The following TPPP3 variants were observed in gnomAD, a reference collection of about 807,000 sequenced individuals.
The protein encoded by TPPP3 is tubulin polymerization-promoting protein family member 3.
In TPPP3, 7 loss-of-function variants were observed where a neutral mutation model predicts 13.1. The observed-to-expected ratio is 0.54, with a 90% CI of 0.30 to 1.01. The LOEUF is 1.01. Among genes scored for constraint, TPPP3 ranks in the 50% least tolerant of loss-of-function variants. The probability of loss-of-function intolerance (pLI) is 0.06; values close to 1 mark genes in which losing one functional copy is unlikely to be tolerated. For missense variants in TPPP3, 185 were observed against 235.0 expected (o/e 0.79, Z 1.39); for synonymous variants, 87 against 93.7 (o/e 0.93, Z 0.41).
chr16:67,390,678 C>A lies in TPPP3; in HGVS notation c.189-46G>T. ...ATGAGGGTTCCCCTTTCTTTTTTCTCCCCCAGGGGAAAGCTCAAACACATT... is the reference window on the plus strand; with the variant it reads ...ATGAGGGTTCCCCTTTCTTTTTTCTACCCCAGGGGAAAGCTCAAACACATT... On this transcript the variant is annotated intron_variant, in intron 2 of 3. Coordinates refer to ENST00000393957, the MANE Select transcript of TPPP3 (RefSeq NM_015964.4). This position sits in a 1 kb window ranked among gnomAD's most constrained non-coding sequence, Gnocchi z 6.4. 1.9e-6 allele frequency: 3 copies of A among 1,572,432 alleles called. No homozygotes were observed. The highest frequency in any genetic ancestry group is 2.6e-6 in the Non-Finnish European group (3 of 1,164,128).
In TPPP3 at chr16:67,391,188, GCCTCTACCTCAAACCTGCAAGA is replaced by G; in HGVS notation, c.-6-93_-6-72del. 6.7e-7 allele frequency: 1 copy of G among 1,487,980 alleles called. No homozygotes were observed. The highest frequency in any genetic ancestry group is 1.2e-5 in the South Asian group (1 of 81,856). The allele number at this position is 1,487,980 out of a possible 1,614,324, so 92.2% of individuals were successfully genotyped here. A position where few individuals can be genotyped will look rare whatever the true frequency, so the allele number is the denominator to read the frequency against. On this transcript the variant is annotated intron_variant, in intron 1 of 3. Transcript: ENST00000393957. This position sits in a 1 kb window ranked among gnomAD's most constrained non-coding sequence, Gnocchi z 6.3. ...CCTCCCCCAAGCCCAGAACATCCCAGCCTCTACCTCAAACCTGCAAGACCTGGGCAGGTTCTGCTACAGAGTT... is the reference window on the plus strand; with the variant it reads ...CCTCCCCCAAGCCCAGAACATCCCAGCCTGGGCAGGTTCTGCTACAGAGTT...
At position 67,391,268 on chromosome 16, in the gene TPPP3, C is replaced by T; in HGVS notation, c.-6-151G>A. 1 of 766,940 alleles carries T rather than the reference C, an allele frequency of 1.3e-6. No individual in the cohort carries two copies. Among genetic ancestry groups the T allele is most frequent in the Non-Finnish European group, 2.1e-6 (1 of 487,172 alleles). The allele number at this position is 766,940 out of a possible 1,614,324, so 47.5% of individuals were successfully genotyped here. ...GAGCTGCCTGGGGAGAGGGGCCCGT[C>T]ACTGTCGCCCTGGGCCACAGAGCCC... On this transcript the variant is annotated intron_variant, in intron 1 of 3. Coordinates refer to ENST00000393957, the MANE Select transcript of TPPP3 (RefSeq NM_015964.4). This position sits in a 1 kb window ranked among gnomAD's most constrained non-coding sequence, Gnocchi z 6.3.
rs149712955 is a variant in TPPP3 at position 67,391,069 on chromosome 16, G to A, written c.43C>T (p.Arg15Cys). 13 of 1,614,170 alleles carry A rather than the reference G, an allele frequency of 8.1e-6. No homozygotes were observed. Among genetic ancestry groups the A allele is most frequent in the Middle Eastern group, 1.6e-4 (1 of 6,062 alleles). Reference sequence around the variant, plus strand: ...GGGTCACCATGGATGGCAAACTTGCGGAAGCTCTCCTCCAGCCCAGCCATG... The same window carrying A: ...GGGTCACCATGGATGGCAAACTTGCAGAAGCTCTCCTCCAGCCCAGCCATG... The part of the protein sequence containing the change: ...TDMAGLEESF[R>C]KFAIHGDPKA... The change falls in exon 2 of 4, where the codon CGC becomes TGC. Residue 15 changes from arginine to cysteine, a missense_variant. Physicochemically the swap from Arg to Cys is radical, Grantham distance 180. Transcript: ENST00000393957. The surrounding 1 kb of genome is among the most constrained non-coding windows in gnomAD (Gnocchi z 6.3).
In TPPP3 at chr16:67,390,169, A is replaced by T; in HGVS notation, c.*5T>A. 6.2e-7 allele frequency: 1 copy of T among 1,613,386 alleles called. No homozygotes were observed. The highest frequency in any genetic ancestry group is 8.5e-7 in the Non-Finnish European group (1 of 1,179,434). ...CCGCACTTGGCAGGGCGGTCTTCCCAAGCCTCACTTCTTCACCTTGGCATC... is the reference window on the plus strand; with the variant it reads ...CCGCACTTGGCAGGGCGGTCTTCCCTAGCCTCACTTCTTCACCTTGGCATC... On this transcript the variant is annotated 3_prime_UTR_variant, in exon 4 of 4. Transcript: ENST00000393957. This position sits in a 1 kb window ranked among gnomAD's most constrained non-coding sequence, Gnocchi z 6.4.
chr16:67,392,660 C>T lies in TPPP3; in HGVS notation c.-7+720G>A, dbSNP rs528921138. Among the ~76,000 whole-genome samples the T allele has an allele frequency of 1.4e-4, 21 of 152,276 alleles. No individual in the cohort carries two copies. The South Asian group carries it at 2.1e-3, about 15-fold the overall frequency. On this transcript the variant is annotated intron_variant, in intron 1 of 3. Transcript: ENST00000393957. This position sits in a 1 kb window ranked among gnomAD's most constrained non-coding sequence, Gnocchi z 4.9. ...GTAGAGACCTCCCCACCACATCCCC[C>T]TCCTCCACTGCCACCTCCTGACCAC...
rs2040316551 is a variant in TPPP3 at position 67,390,670 on chromosome 16, T to C, written c.189-38A>G. 5 of 1,578,062 alleles carry C rather than the reference T, an allele frequency of 3.2e-6. No individual in the cohort carries two copies. Among genetic ancestry groups the C allele is most frequent in the Middle Eastern group, 1.7e-4 (1 of 5,948 alleles). The stretch of plus-strand genomic sequence containing the variant: ...TGGGCACCATGAGGGTTCCCCTTTC[T>C]TTTTTCTCCCCCAGGGGAAAGCTCA... On this transcript the variant is annotated intron_variant, in intron 2 of 3. Transcript: ENST00000393957. The surrounding 1 kb of genome is among the most constrained non-coding windows in gnomAD (Gnocchi z 6.4).
At position 67,390,116 on chromosome 16, in the gene TPPP3, C is replaced by A; in HGVS notation, c.*58G>T. The A allele has an allele frequency of 6.4e-7, 1 of 1,570,776 alleles. No homozygotes were observed. Among genetic ancestry groups the A allele is most frequent in the Non-Finnish European group, 8.7e-7 (1 of 1,150,648 alleles). Reference sequence around the variant, plus strand: ...TCTCTTGCTCCACGTGCCCCTTAGACCCAGGCCTGAGCCTCTGGCAGGGGC... The same window carrying A: ...TCTCTTGCTCCACGTGCCCCTTAGAACCAGGCCTGAGCCTCTGGCAGGGGC... On this transcript the variant is annotated 3_prime_UTR_variant, in exon 4 of 4. Coordinates refer to ENST00000393957, the MANE Select transcript of TPPP3 (RefSeq NM_015964.4). The surrounding 1 kb of genome is among the most constrained non-coding windows in gnomAD (Gnocchi z 6.4).
In TPPP3 at chr16:67,392,687, C is replaced by T. The variant is rs1473400592; in HGVS notation, c.-7+693G>A. Among the ~76,000 whole-genome samples the T allele has an allele frequency of 2.6e-5, 4 of 152,200 alleles. No homozygotes were observed. Among genetic ancestry groups the T allele is most frequent in the African/African-American group, 9.7e-5 (4 of 41,442 alleles). ...CCTCCACTGCCACCTCCTGACCACACCCTCGGTCTCAGCAACCATCTTCTA... is the reference window on the plus strand; with the variant it reads ...CCTCCACTGCCACCTCCTGACCACATCCTCGGTCTCAGCAACCATCTTCTA... On this transcript the variant is annotated intron_variant, in intron 1 of 3. Transcript: ENST00000393957. This position sits in a 1 kb window ranked among gnomAD's most constrained non-coding sequence, Gnocchi z 4.9.
Position 67,391,222 on chromosome 16 carries a change from T to A in TPPP3, c.-6-105A>T, listed in dbSNP as rs2040325363. 5 of 1,212,772 alleles carry A rather than the reference T, an allele frequency of 4.1e-6. No individual in the cohort carries two copies. 75.1% of individuals were successfully genotyped at this position (1,212,772 alleles called of 1,614,324 possible). Reference sequence around the variant, plus strand: ...TCAAACCTGCAAGACCTGGGCAGGTTCTGCTACAGAGTTGGTGCTGGAGCT... The same window carrying A: ...TCAAACCTGCAAGACCTGGGCAGGTACTGCTACAGAGTTGGTGCTGGAGCT... On this transcript the variant is annotated intron_variant, in intron 1 of 3. Coordinates refer to ENST00000393957, the MANE Select transcript of TPPP3 (RefSeq NM_015964.4). This position sits in a 1 kb window ranked among gnomAD's most constrained non-coding sequence, Gnocchi z 6.3.
Position 67,391,214 on chromosome 16 carries a change from G to T in TPPP3, c.-6-97C>A. 7.8e-7 allele frequency: 1 copy of T among 1,277,506 alleles called. No homozygotes were observed. Among genetic ancestry groups the T allele is most frequent in the Non-Finnish European group, 1.1e-6 (1 of 919,616 alleles). 79.1% of individuals were successfully genotyped at this position (1,277,506 alleles called of 1,614,324 possible). A position where few individuals can be genotyped will look rare whatever the true frequency, so the allele number is the denominator to read the frequency against. On this transcript the variant is annotated intron_variant, in intron 1 of 3. Coordinates refer to ENST00000393957, the MANE Select transcript of TPPP3 (RefSeq NM_015964.4). This position sits in a 1 kb window ranked among gnomAD's most constrained non-coding sequence, Gnocchi z 6.3. ...CCTCTACCTCAAACCTGCAAGACCT[G>T]GGCAGGTTCTGCTACAGAGTTGGTG...
Position 67,390,068 on chromosome 16 carries a change from G to A in TPPP3, c.*106C>T. 1 of 1,270,776 alleles carries A rather than the reference G, an allele frequency of 7.9e-7. No individual in the cohort carries two copies. The highest frequency in any genetic ancestry group is 1.1e-6 in the Non-Finnish European group (1 of 922,868). The allele number at this position is 1,270,776 out of a possible 1,614,324, so 78.7% of individuals were successfully genotyped here. A position where few individuals can be genotyped will look rare whatever the true frequency, so the allele number is the denominator to read the frequency against. ...CTAGGCAGGAAGCTCTGGGTGGCAG[G>A]TCCAGCAGGGAGGGGACCAGGATCT... On this transcript the variant is annotated 3_prime_UTR_variant, in exon 4 of 4. Transcript: ENST00000393957. This position sits in a 1 kb window ranked among gnomAD's most constrained non-coding sequence, Gnocchi z 6.4.
chr16:67,390,106 G>C lies in TPPP3; in HGVS notation c.*68C>G, dbSNP rs2040305938. On this transcript the variant is annotated 3_prime_UTR_variant, in exon 4 of 4. Transcript: ENST00000393957. This position sits in a 1 kb window ranked among gnomAD's most constrained non-coding sequence, Gnocchi z 6.4. ...GGGACCAGGATCTCTTGCTCCACGT[G>C]CCCCTTAGACCCAGGCCTGAGCCTC... The C allele has an allele frequency of 7.9e-6, 12 of 1,512,084 alleles. No individual in the cohort carries two copies. The highest frequency in any genetic ancestry group is 1.1e-5 in the Non-Finnish European group (12 of 1,107,284). The allele number at this position is 1,512,084 out of a possible 1,614,324, so 93.7% of individuals were successfully genotyped here.
rs532793293 is a variant in TPPP3, at chr16:67,390,441, C to A, written c.342+38G>T. On this transcript the variant is annotated intron_variant, in intron 3 of 3. Transcript: ENST00000393957. This position sits in a 1 kb window ranked among gnomAD's most constrained non-coding sequence, Gnocchi z 6.4. ...CACCCACAGCCACGATTCCCCACAC[C>A]CCATTCCGTGGCCACCCGAGACCAG... 79 of 1,610,836 alleles carry A rather than the reference C, an allele frequency of 4.9e-5. No homozygotes were observed. In the South Asian group the frequency reaches 8.5e-4, roughly 17 times the overall value.
At position 67,392,129 on chromosome 16, in the gene TPPP3, G is replaced by A. The variant is rs2142211375; in HGVS notation, c.-6-1012C>T. On this transcript the variant is annotated intron_variant, in intron 1 of 3. Transcript: ENST00000393957. This position sits in a 1 kb window ranked among gnomAD's most constrained non-coding sequence, Gnocchi z 4.9. ...TTGGCCACACCAGCCCACATTCCCA[G>A]CGACCCTGTGCACTCAGCCCTGGCC... Among the ~76,000 whole-genome samples, 1 of 151,308 alleles carries A rather than the reference G, an allele frequency of 6.6e-6. No homozygotes were observed. The highest frequency in any genetic ancestry group is 2.1e-4 in the South Asian group (1 of 4,808).
At position 67,390,293 on chromosome 16, in the gene TPPP3, G is replaced by C. The variant is rs562124643; in HGVS notation, c.412C>G (p.Arg138Gly). ...TSRYTGSHKE[R>G]FDESGKGKGI... is the part of the protein sequence containing the mutation. The stretch of plus-strand genomic sequence containing the variant: ...TTGCCCTTGCCGCTCTCATCGAAGC[G>C]CTCCTTGTGGGAGCCCGTGTATCTG... The change falls in exon 4 of 4, where the codon CGC becomes GGC. Residue 138 changes from arginine to glycine, a missense_variant. Transcript: ENST00000393957. The surrounding 1 kb of genome is among the most constrained non-coding windows in gnomAD (Gnocchi z 6.4). 6.2e-7 allele frequency: 1 copy of C among 1,614,086 alleles called. No homozygotes were observed. The highest frequency in any genetic ancestry group is 8.5e-7 in the Non-Finnish European group (1 of 1,180,032).
rs975514246 is a variant in TPPP3 at position 67,389,927 on chromosome 16, C to T, written c.*247G>A. On this transcript the variant is annotated 3_prime_UTR_variant, in exon 4 of 4. Coordinates refer to ENST00000393957, the MANE Select transcript of TPPP3 (RefSeq NM_015964.4). ...GCCATGCCTGGGGCTGGGTTGGGGT[C>T]ATGAGGCTACAGGCACAGACTGTCC... is the stretch of plus-strand genomic sequence containing the variant. The T allele has an allele frequency of 2.9e-5, 15 of 518,472 alleles. No homozygotes were observed. Among genetic ancestry groups the T allele is most frequent in the Non-Finnish European group, 4.5e-5 (13 of 289,952 alleles). The allele number at this position is 518,472 out of a possible 1,614,324, so 32.1% of individuals were successfully genotyped here.
Position 67,393,007 on chromosome 16 carries a change from A to T in TPPP3, c.-7+373T>A, listed in dbSNP as rs538820440. ...ATGCCACAGGGTGCTTGGCCCAAGC[A>T]CTGGGCGGATCCTGCGTGCAGTGCT... On this transcript the variant is annotated intron_variant, in intron 1 of 3. Coordinates refer to ENST00000393957, the MANE Select transcript of TPPP3 (RefSeq NM_015964.4). This position sits in a 1 kb window ranked among gnomAD's most constrained non-coding sequence, Gnocchi z 5.4. The T allele has an allele frequency of 6.1e-6, 6 of 985,468 alleles. No individual in the cohort carries two copies. The South Asian group carries it at 2.3e-4, about 39-fold the overall frequency. 61.0% of individuals were successfully genotyped at this position (985,468 alleles called of 1,614,324 possible).
At position 67,393,378 on chromosome 16, in the gene TPPP3, A is replaced by G. The variant is rs1286828833; in HGVS notation, c.-7+2T>C. 3.0e-6 allele frequency: 3 copies of G among 985,362 alleles called. No individual in the cohort carries two copies. Among genetic ancestry groups the G allele is most frequent in the East Asian group, 1.1e-4 (1 of 8,808 alleles). 61.0% of individuals were successfully genotyped at this position (985,362 alleles called of 1,614,324 possible). A position where few individuals can be genotyped will look rare whatever the true frequency, so the allele number is the denominator to read the frequency against. On this transcript the variant is annotated splice_donor_variant, in intron 1 of 3. Transcript: ENST00000393957. LOFTEE classifies it low-confidence loss of function (5UTR_SPLICE). The surrounding 1 kb of genome is among the most constrained non-coding windows in gnomAD (Gnocchi z 5.4). ...GCATCTGGGTCTCCTATGGGCTTCTACCTCGCGGCTGCTCCTGAAGTGTGC... is the reference window on the plus strand; with the variant it reads ...GCATCTGGGTCTCCTATGGGCTTCTGCCTCGCGGCTGCTCCTGAAGTGTGC...
At position 67,391,174 on chromosome 16, in the gene TPPP3, C is replaced by A; in HGVS notation, c.-6-57G>T. 1.3e-6 allele frequency: 2 copies of A among 1,531,974 alleles called. No homozygotes were observed. The highest frequency in any genetic ancestry group is 1.7e-5 in the Admixed American group (1 of 57,696). 94.9% of individuals were successfully genotyped at this position (1,531,974 alleles called of 1,614,324 possible). The stretch of plus-strand genomic sequence containing the variant: ...CAATCTGCCCTTCCCCTCCCCCAAG[C>A]CCAGAACATCCCAGCCTCTACCTCA... On this transcript the variant is annotated intron_variant, in intron 1 of 3. Coordinates refer to ENST00000393957, the MANE Select transcript of TPPP3 (RefSeq NM_015964.4). This position sits in a 1 kb window ranked among gnomAD's most constrained non-coding sequence, Gnocchi z 6.3.
Sources: gnomAD v4.1 joint callset for allele counts (sites outside exome capture counted in the v4.1 genomes callset) on GRCh38, gnomAD v4.1.1 for gene constraint, Gnocchi (gnomAD v3.1) non-coding constraint, MANE v1.5 for transcripts, NCBI Gene and HGNC (gene_info 2026-07-23, HGNC 2026-07-21) for gene names.